Variants in ABCA13 observed in about 807,000 individuals in gnomAD.
The protein encoded by ABCA13 is ATP binding cassette subfamily A member 13, also known as ATP-binding cassette sub-family A member 13.
In ABCA13, 476 loss-of-function variants were observed where a neutral mutation model predicts 478.7. The ratio of observed to expected loss-of-function variants is 0.99; its 90% CI spans 0.92 to 1.07. The LOEUF is 1.07. ABCA13 is among the 50% of genes least tolerant of loss of function. ABCA13 has a pLI of 0.00. For missense variants in ABCA13, 6,060 were observed against 5,910.6 expected, an observed-to-expected ratio of 1.03 and a Z score of -0.83; for synonymous variants, 2,252 against 2,158.9, an observed-to-expected ratio of 1.04 and a Z score of -1.20.
intron 24 of ABCA13, among the ~76,000 whole-genome samples, chr7:48,310,983 G>A (rs1801692765): frequency 6.6e-6 from 1 of 151,648 alleles, no homozygotes; most frequent in South Asian, 2.1e-4. Context: ...TCTACTGTTT[G>A]AATCTTTACT....
At chr7:48,345,803 A>G (rs920367151) in intron 29 of ABCA13, among the ~76,000 whole-genome samples, 5 of 152,204 alleles carry the variant, frequency 3.3e-5, no homozygotes, top group African/African-American at 1.2e-4. Context: ...GTGTACGGTA[A>G]TGTCCTAGGC....
At chr7:48,415,551 A>G (rs1387664547) in intron 41 of ABCA13, among the ~76,000 whole-genome samples, 1 of 152,198 alleles carries the variant, frequency 6.6e-6, no homozygotes, top group East Asian at 1.9e-4. Flanking sequence ...TTCACCCCCA[A>G]TGTATTTACT....
intron 3 of ABCA13, among the ~76,000 whole-genome samples, chr7:48,219,100 A>G (rs1265062330): frequency 6.6e-6 from 1 of 152,224 alleles, no homozygotes; most frequent in African/African-American, 2.4e-5. Context: ...TGGCTTATAA[A>G]CATAAAATGG....
chr7:48,398,657 T>C (rs28533168), intron 38 of ABCA13, among the ~76,000 whole-genome samples: 31,185 of 152,068 alleles, frequency 0.21, 3,493 homozygotes, highest in East Asian at 0.23. Flanking sequence ...GAGAGGAACT[T>C]TGTTAGACCT....
intron 27 of ABCA13, among the ~76,000 whole-genome samples, chr7:48,333,104 G>A (rs371890061): frequency 2.6e-5 from 4 of 152,034 alleles, no homozygotes; most frequent in African/African-American, 9.7e-5. Context: ...TTGTCCTATA[G>A]GTACTTGAGG....
chr7:48,197,587 A>C (rs1798103985), intron 2 of ABCA13, among the ~76,000 whole-genome samples: 1 of 151,312 alleles, frequency 6.6e-6, no homozygotes, highest in Non-Finnish European at 1.5e-5. Context: ...ACGGGCCGGT[A>C]ATCATAAGTT....
At chr7:48,454,446 C>T (rs1825401296) in intron 42 of ABCA13, among the ~76,000 whole-genome samples, 1 of 152,208 alleles carries the variant, frequency 6.6e-6, no homozygotes, top group South Asian at 2.1e-4. Flanking sequence ...TCGAATTTTG[C>T]TTGTGGATCG....
At chr7:48,540,404 A>G (rs1418573081) in intron 55 of ABCA13, among the ~76,000 whole-genome samples, 3 of 152,150 alleles carry the variant, frequency 2.0e-5, no homozygotes, top group Non-Finnish European at 4.4e-5. Context: ...CAAGTCCCTT[A>G]TTATACTCCA....
Position 48,645,467 on chromosome 7 carries a change from T to C in ABCA13, c.15132T>C (p.Leu5044=). The C allele has an allele frequency of 1.3e-6, 2 of 1,589,680 alleles. No homozygotes were observed. The highest frequency in any genetic ancestry group is 1.7e-6 in the Non-Finnish European group (2 of 1,166,838). Residue 5044 remains leucine, a synonymous_variant, in exon 62 of 62, where the codon CTT becomes CTC. Transcript: ENST00000435803. The part of the protein sequence containing the change: ...SEQQQTLQST[L]DPSTDSHHTH... ...AGCAGCAAACTCTACAATCTACTCT[T>C]GATCCATCCACTGACAGTCACCACA...
intron 15 of ABCA13, among the ~76,000 whole-genome samples, chr7:48,250,252 T>C (rs1461712685): frequency 6.6e-6 from 1 of 152,198 alleles, no homozygotes; most frequent in Non-Finnish European, 1.5e-5. Context: ...CATCAACCTA[T>C]GAGCACTCTG....
At chr7:48,558,406 C>T (rs1431565272) in intron 55 of ABCA13, among the ~76,000 whole-genome samples, 1 of 151,774 alleles carries the variant, frequency 6.6e-6, no homozygotes, top group Admixed American at 6.6e-5. Context: ...AAGTGACTCT[C>T]CTGCCTCAGC....
In ABCA13 at chr7:48,239,363, C is replaced by T. The variant is rs750854949; in HGVS notation, c.1020C>T (p.Asn340=). 5 of 1,613,742 alleles carry T rather than the reference C, an allele frequency of 3.1e-6. No homozygotes were observed. The highest frequency in any genetic ancestry group is 3.4e-6 in the Non-Finnish European group (4 of 1,179,820). ...ACCCTAAGTGGTCAGAAGCCAAAAACTATCTTGTCCATGCAGTCAGCTGGC... is the reference window on the plus strand; with the variant it reads ...ACCCTAAGTGGTCAGAAGCCAAAAATTATCTTGTCCATGCAGTCAGCTGGC... ...GCHPKWSEAK[N]YLVHAVSWLR... is the part of the protein sequence containing the mutation. The change falls in exon 9 of 62, where the codon AAC becomes AAT. Residue 340 remains asparagine (N), a synonymous_variant. Coordinates refer to ENST00000435803, the MANE Select transcript of ABCA13 (RefSeq NM_152701.5).
Position 48,466,971 on chromosome 7 carries a change from C to T in ABCA13, c.12831C>T (p.Asn4277=), listed in dbSNP as rs1826948039. 2 of 1,613,960 alleles carry T rather than the reference C, an allele frequency of 1.2e-6. No homozygotes were observed. The highest frequency in any genetic ancestry group is 1.7e-6 in the Non-Finnish European group (2 of 1,179,882). The change falls in exon 44 of 62, where the codon AAC becomes AAT. Residue 4277 remains asparagine (N), a synonymous_variant. Coordinates refer to ENST00000435803, the MANE Select transcript of ABCA13 (RefSeq NM_152701.5). ...TGAACAGCAGCAGTGGGGGCGACAA[C>T]TTGGACCTCACCCGTGTGCTTCTGC... ...ETYFFSSGGD[N]LDLTRVLLRK... is the part of the protein sequence containing the mutation.
rs367570188 is a variant in ABCA13, at chr7:48,293,192, G to GCCCCCCC, written c.8956-2504_8956-2498dup. ...TTCATCATTTCCTGAGAAGTCTTCA[G>GCCCCCCC]CCCCCCCCCCGCCACACACACACTA... On this transcript the variant is annotated intron_variant, in intron 20 of 61. Coordinates refer to ENST00000435803, the MANE Select transcript of ABCA13 (RefSeq NM_152701.5). Among the ~76,000 whole-genome samples, 84 of 108,274 alleles carry GCCCCCCC rather than the reference G, an allele frequency of 7.8e-4. 7 individuals are homozygous for GCCCCCCC. The highest frequency in any genetic ancestry group is 1.7e-3 in the South Asian group (4 of 2,340). The allele number at this position is 108,274 out of a possible 152,430, so 71.0% of individuals were successfully genotyped here.
At chr7:48,307,312 T>G (rs530988149) in intron 23 of ABCA13, among the ~76,000 whole-genome samples, 1 of 152,374 alleles carries the variant, frequency 6.6e-6, no homozygotes, top group South Asian at 2.1e-4. Flanking sequence ...AGCAGGTTAC[T>G]CTACTGAATA....
At chr7:48,624,052 A>G (rs1793416677) in intron 59 of ABCA13, among the ~76,000 whole-genome samples, 1 of 142,782 alleles carries the variant, frequency 7.0e-6, no homozygotes, top group South Asian at 2.3e-4. Flanking sequence ...GTGTGAGCAC[A>G]TGATAGAGTG....
At chr7:48,383,008 T>C (rs1814635319) in intron 35 of ABCA13, among the ~76,000 whole-genome samples, 1 of 152,144 alleles carries the variant, frequency 6.6e-6, no homozygotes. Flanking sequence ...TCACCTGTCC[T>C]ACTCATTCTT....
intron 41 of ABCA13, 124 bp downstream of exon 41, chr7:48,412,707 A>G: frequency 1.5e-6 from 1 of 664,268 alleles, no homozygotes. Context: ...ACTTTTATTT[A>G]CATTTGATTT....
intron 21 of ABCA13, among the ~76,000 whole-genome samples, chr7:48,296,536 T>C (rs551252136): frequency 2.0e-5 from 3 of 151,696 alleles, no homozygotes; most frequent in Middle Eastern, 3.4e-3. Flanking sequence ...CTCGGCTCAC[T>C]GCAAGCTCCA....
Sources: gnomAD v4.1 joint callset for allele counts (sites outside exome capture counted in the v4.1 genomes callset) on GRCh38, gnomAD v4.1.1 for gene constraint, MANE v1.5 for transcripts, NCBI Gene and HGNC (gene_info 2026-07-23, HGNC 2026-07-21) for gene names.